KALRN: variants seen among roughly 807,000 people sequenced by gnomAD.
KALRN encodes the protein kalirin RhoGEF kinase.
Under a neutral mutation model 353.7 loss-of-function variants are expected in KALRN, and 70 were observed. That is an observed-to-expected ratio of 0.20 (90% CI 0.16 to 0.24). The LOEUF (loss-of-function observed/expected upper bound fraction) is 0.24, where lower values mean the gene tolerates loss of function less well. KALRN is among the 10% of genes least tolerant of loss of function. The probability of loss-of-function intolerance (pLI) is 1.00; values close to 1 mark genes in which losing one functional copy is unlikely to be tolerated. For synonymous variants in KALRN, 1,391 were observed against 1,434.8 expected (o/e 0.97, Z 0.69); for missense variants, 2,791 against 3,756.7 (o/e 0.74, Z 6.72).
intron 1 of KALRN, among the ~76,000 whole-genome samples, chr3:124,062,879 C>T (rs1054784566): frequency 1.3e-5 from 2 of 152,100 alleles, no homozygotes; most frequent in Non-Finnish European, 2.9e-5. Flanking sequence ...TGTGGTTGCC[C>T]TGATGTAGGA....
At chr3:124,651,063 C>T (rs1379048496) in intron 38 of KALRN, 125 bp downstream of exon 38, 19 of 1,200,898 alleles carry the variant, frequency 1.6e-5, no homozygotes, top group Non-Finnish European at 2.1e-5. Flanking sequence ...CATTCTAAGA[C>T]TCAGATCTGT....
intron 1 of KALRN, among the ~76,000 whole-genome samples, chr3:124,044,847 C>G (rs55924473): frequency 1.4e-5 from 1 of 72,518 alleles, no homozygotes. Flanking sequence ...CCCTCCCTCC[C>G]TCCCTCCCTC....
At position 124,335,709 on chromosome 3, in the gene KALRN, C is replaced by T. The variant is rs146726627; in HGVS notation, c.1647+1214C>T. 8.5e-5 allele frequency among the ~76,000 whole-genome samples: 13 copies of T among 152,188 alleles called. 1 individual carries two copies. In the East Asian group the frequency reaches 1.9e-3, roughly 23 times the overall value. Reference sequence around the variant, plus strand: ...GCTGCAGAGAAGCTGCTCGGGTGGACGCACTCGTGTTCAAACACCTGTTTG... The same window carrying T: ...GCTGCAGAGAAGCTGCTCGGGTGGATGCACTCGTGTTCAAACACCTGTTTG... On this transcript the variant is annotated intron_variant, in intron 9 of 59. Transcript: ENST00000682506.
intron 34 of KALRN, among the ~76,000 whole-genome samples, chr3:124,572,638 G>A (rs1362576855): frequency 6.6e-6 from 1 of 152,182 alleles, no homozygotes; most frequent in African/African-American, 2.4e-5. Flanking sequence ...AGGCTCAAGG[G>A]TAGAAATGTT....
chr3:124,060,563 C>T (rs2041917772), intron 1 of KALRN, among the ~76,000 whole-genome samples: 4 of 152,302 alleles, frequency 2.6e-5, no homozygotes, highest in South Asian at 4.1e-4. Flanking sequence ...GCTGGGTTCC[C>T]GCTTCCCCCA....
At chr3:124,094,645 T>G in intron 1 of KALRN, 1 of 633,288 alleles carries the variant, frequency 1.6e-6, no homozygotes. Context: ...TGTTCCTTTG[T>G]TGCTGTGAAA....
At position 124,326,187 on chromosome 3, in the gene KALRN, C is replaced by T. The variant is rs1293466968; in HGVS notation, c.1284+16C>T. ...GGCTGAGCAGGTAAGGTGCAGAAAC[C>T]TGCAGCAGCTGCTGTTGGTAGGAAG... On this transcript the variant is annotated intron_variant, in intron 7 of 59. Transcript: ENST00000682506. The T allele has an allele frequency of 3.7e-6, 6 of 1,600,042 alleles. No individual in the cohort carries two copies. Among genetic ancestry groups the T allele is most frequent in the Non-Finnish European group, 5.1e-6 (6 of 1,171,590 alleles).
chr3:124,699,199 A>T (rs547684075), intron 55 of KALRN, among the ~76,000 whole-genome samples: 1 of 152,322 alleles, frequency 6.6e-6, no homozygotes, highest in East Asian at 1.9e-4. Context: ...CAAAAGTATT[A>T]ATAGTGAGCT....
intron 1 of KALRN, among the ~76,000 whole-genome samples, chr3:124,202,354 G>A (rs1017179996): frequency 1.3e-5 from 2 of 152,090 alleles, no homozygotes; most frequent in East Asian, 1.9e-4. Flanking sequence ...AGGCTCAAGC[G>A]ATTTTCCCAC....
intron 37 of KALRN, among the ~76,000 whole-genome samples, chr3:124,643,053 G>A (rs564542513): frequency 2.0e-4 from 31 of 152,112 alleles, no homozygotes; most frequent in African/African-American, 5.1e-4. Context: ...TCAACCTCAC[G>A]TGATCCGCCT....
At chr3:124,708,476 T>C (rs1016467028) in intron 57 of KALRN, among the ~76,000 whole-genome samples, 1 of 152,086 alleles carries the variant, frequency 6.6e-6, no homozygotes. Context: ...AAAAATACAA[T>C]ATCTAAAATT....
intron 1 of KALRN, chr3:124,162,479 T>A (rs2070133011): frequency 6.6e-6 from 1 of 152,164 alleles, no homozygotes; most frequent in African/African-American, 2.4e-5. Flanking sequence ...GAACTCGGAA[T>A]ATTATAGTTT....
intron 1 of KALRN, among the ~76,000 whole-genome samples, chr3:124,227,604 G>T (rs953725850): frequency 1.3e-5 from 2 of 148,722 alleles, no homozygotes; most frequent in South Asian, 2.2e-4. Flanking sequence ...GGCACTAGAG[G>T]TACGAACATG....
intron 51 of KALRN, 32 bp downstream of exon 51, chr3:124,679,549 C>T (rs772567641): frequency 1.3e-6 from 2 of 1,560,506 alleles, no homozygotes; most frequent in South Asian, 2.2e-5. Flanking sequence ...CTATTTCCTA[C>T]AATGATTGCC....
chr3:124,064,359 G>A (rs935849719), intron 1 of KALRN, among the ~76,000 whole-genome samples: 4 of 152,124 alleles, frequency 2.6e-5, no homozygotes, highest in Admixed American at 6.5e-5. Context: ...GCCATTTAGC[G>A]GCAGAACATG....
At position 124,481,417 on chromosome 3, in the gene KALRN, G is replaced by A. The variant is rs115417547; in HGVS notation, c.4192-1391G>A. 3.5e-3 allele frequency among the ~76,000 whole-genome samples: 534 copies of A among 152,144 alleles called. 2 individuals are homozygous for A. Among genetic ancestry groups the A allele is most frequent in the African/African-American group, 0.012 (490 of 41,494 alleles). The stretch of plus-strand genomic sequence containing the variant: ...AGATGGGATCTGGCCATGTTGCCCC[G>A]GCTGGTCTTGAACTACTGGATACAA... On this transcript the variant is annotated intron_variant, in intron 27 of 59. Transcript: ENST00000682506.
intron 15 of KALRN, among the ~76,000 whole-genome samples, chr3:124,425,115 A>G (rs1416145743): frequency 6.6e-6 from 1 of 152,002 alleles, no homozygotes. Context: ...TGGCTATAAG[A>G]GATAGAGAAG....
At chr3:124,645,429 G>A (rs2082583280) in intron 37 of KALRN, among the ~76,000 whole-genome samples, 1 of 152,098 alleles carries the variant, frequency 6.6e-6, no homozygotes, top group Non-Finnish European at 1.5e-5. Context: ...GTATTGCCTA[G>A]GTTTTCTTCT....
At chr3:124,656,332 C>T (rs1007718231) in intron 39 of KALRN, among the ~76,000 whole-genome samples, 7 of 152,070 alleles carry the variant, frequency 4.6e-5, no homozygotes, top group African/African-American at 1.4e-4. Flanking sequence ...AGTTCTCGGC[C>T]GGGTGCGGTG....
Sources: allele counts gnomAD v4.1 joint callset (sites outside exome capture counted in the v4.1 genomes callset), GRCh38; gene constraint gnomAD v4.1.1; transcripts MANE v1.5; gene names NCBI Gene and HGNC (gene_info 2026-07-23, HGNC 2026-07-21).